The following RARB variants were observed in gnomAD, a reference collection of about 807,000 sequenced individuals.
RARB encodes HBV-activated protein.
Under a neutral mutation model 51.9 loss-of-function variants are expected in RARB, and 17 were observed. The observed-to-expected ratio is 0.33, with a 90% CI of 0.22 to 0.49. RARB has a LOEUF of 0.49. RARB is among the 20% of genes least tolerant of loss of function. The pLI is 0.99. For missense variants in RARB, 369 were observed against 550.8 expected, an observed-to-expected ratio of 0.67 and a Z score of 3.30; for synonymous variants, 215 against 195.4, an observed-to-expected ratio of 1.10 and a Z score of -0.84.
intron 4 of RARB, 102 bp downstream of exon 4, chr3:25,570,020 A>T (rs921924988): frequency 1.1e-4 from 121 of 1,082,690 alleles, no homozygotes; most frequent in African/African-American, 9.0e-4. Context: ...ACACACACAC[A>T]CTTTGCACTG....
intron 5 of RARB, among the ~76,000 whole-genome samples, chr3:25,390,348 ACT>A (rs1403616458): frequency 1.3e-5 from 2 of 151,940 alleles, no homozygotes; most frequent in African/African-American, 4.8e-5. Flanking sequence ...CACAGAGAAG[ACT>A]CTATTTACGA....
At chr3:24,924,910 T>C (rs2125389382) in intron 2 of RARB, among the ~76,000 whole-genome samples, 1 of 152,258 alleles carries the variant, frequency 6.6e-6, no homozygotes, top group South Asian at 2.1e-4. Context: ...TTGCTTAAGA[T>C]GATGCCTGGC....
At position 25,297,242 on chromosome 3, in the gene RARB, G is replaced by A. The variant is rs144638260; in HGVS notation, c.178+122667G>A. 2.6e-5 allele frequency among the ~76,000 whole-genome samples: 4 copies of A among 152,138 alleles called. No individual in the cohort carries two copies. The East Asian group carries it at 7.7e-4, about 29-fold the overall frequency. On this transcript the variant is annotated intron_variant, in intron 5 of 11. Coordinates refer to the RARB transcript ENST00000383772. Reference sequence around the variant, plus strand: ...AACAAATAACTCAGGATAAAGTAAGGGAATTAAGGTCTAGATATTTTACCA... The same window carrying A: ...AACAAATAACTCAGGATAAAGTAAGAGAATTAAGGTCTAGATATTTTACCA...
At position 25,448,175 on chromosome 3, in the gene RARB, C is replaced by G. The variant is rs1297782732; in HGVS notation, c.158-13018C>G. Among the ~76,000 whole-genome samples the G allele has an allele frequency of 1.3e-5, 2 of 152,188 alleles. 1 individual carries two copies. The highest frequency in any genetic ancestry group is 3.9e-4 in the East Asian group (2 of 5,134). ...AGGAAGGCCGACTCCCGAGTTCATACTTCCAACCATATGCCTCAGACAACT... is the reference window on the plus strand; with the variant it reads ...AGGAAGGCCGACTCCCGAGTTCATAGTTCCAACCATATGCCTCAGACAACT... On this transcript the variant is annotated intron_variant, in intron 1 of 7. Coordinates refer to ENST00000330688, the MANE Select transcript of RARB (RefSeq NM_000965.5).
chr3:25,504,920 G>C (rs1697509708), intron 3 of RARB, among the ~76,000 whole-genome samples: 1 of 151,946 alleles, frequency 6.6e-6, no homozygotes, highest in Non-Finnish European at 1.5e-5. Flanking sequence ...ACCACGCCCG[G>C]CTAATTTTTG....
At chr3:25,445,678 A>G in intron 1 of RARB, among the ~76,000 whole-genome samples, 1 of 152,170 alleles carries the variant, frequency 6.6e-6, no homozygotes, top group East Asian at 1.9e-4. Flanking sequence ...AAAAAAAATA[A>G]TAAGGAATAT....
At chr3:24,855,342 A>G (rs1702617677) in intron 1 of RARB, among the ~76,000 whole-genome samples, 1 of 152,234 alleles carries the variant, frequency 6.6e-6, no homozygotes, top group Non-Finnish European at 1.5e-5. Context: ...GAGGGCAGTG[A>G]GTAGGCCACA....
chr3:25,218,276 C>T (rs1310519819), intron 5 of RARB, among the ~76,000 whole-genome samples: 1 of 152,056 alleles, frequency 6.6e-6, no homozygotes, highest in Non-Finnish European at 1.5e-5. Flanking sequence ...ATGTGAGAGT[C>T]GCCAGCCTTG....
chr3:25,026,366 T>C (rs577479158), intron 2 of RARB, among the ~76,000 whole-genome samples: 1 of 152,194 alleles, frequency 6.6e-6, no homozygotes, highest in African/African-American at 2.4e-5. Flanking sequence ...TTTCTCACAA[T>C]TTTGGGGGCT....
chr3:24,943,451 T>C (rs560253804), intron 2 of RARB, among the ~76,000 whole-genome samples: 46 of 152,272 alleles, frequency 3.0e-4, no homozygotes, highest in African/African-American at 1.0e-3. Flanking sequence ...AGATTCCAAA[T>C]CTCCAATGTT....
intron 2 of RARB, among the ~76,000 whole-genome samples, chr3:24,879,653 A>G (rs555627737): frequency 1.3e-5 from 2 of 152,134 alleles, no homozygotes; most frequent in South Asian, 4.2e-4. Context: ...ACAGAACCTG[A>G]TCTTTTAAAC....
chr3:25,147,609 C>G (rs1700215554), intron 4 of RARB, among the ~76,000 whole-genome samples: 1 of 152,250 alleles, frequency 6.6e-6, no homozygotes, highest in East Asian at 1.9e-4. Context: ...GAAGATTTTC[C>G]ATTTCTTGAA....
chr3:25,096,777 G>A (rs1405873594), intron 3 of RARB, among the ~76,000 whole-genome samples: 5 of 152,092 alleles, frequency 3.3e-5, no homozygotes, highest in Non-Finnish European at 5.9e-5. Context: ...TCTGTCAGTT[G>A]AGGCTCCTGG....
At chr3:24,930,208 C>T (rs1281866166) in intron 2 of RARB, among the ~76,000 whole-genome samples, 4 of 151,992 alleles carry the variant, frequency 2.6e-5, no homozygotes, top group Non-Finnish European at 4.4e-5. Flanking sequence ...AATACAACAG[C>T]TGTCTGATTT....
intron 5 of RARB, among the ~76,000 whole-genome samples, chr3:25,247,460 A>G (rs322710): frequency 0.53 from 81,034 of 152,110 alleles, 22,743 homozygotes; most frequent in African/African-American, 0.71. Flanking sequence ...GTAGGCACAC[A>G]AGGGAATCTC....
chr3:24,934,965 G>A (rs375473594), intron 2 of RARB, among the ~76,000 whole-genome samples: 9 of 152,216 alleles, frequency 5.9e-5, no homozygotes, highest in African/African-American at 2.2e-4. Context: ...ATTCCAAAAA[G>A]CACCCTAAAG....
At chr3:24,991,087 T>G (rs1696899656) in intron 2 of RARB, among the ~76,000 whole-genome samples, 1 of 152,234 alleles carries the variant, frequency 6.6e-6, no homozygotes, top group Non-Finnish European at 1.5e-5. Context: ...CTTGAATTAT[T>G]TATTCCAATA....
At chr3:25,143,128 G>C (rs1003077121) in intron 4 of RARB, among the ~76,000 whole-genome samples, 15 of 152,126 alleles carry the variant, frequency 9.9e-5, no homozygotes, top group African/African-American at 3.4e-4. Context: ...TGAATTATTT[G>C]CTCTTTTTGC....
At chr3:25,455,766 A>G (rs1477864366) in intron 1 of RARB, among the ~76,000 whole-genome samples, 1 of 152,172 alleles carries the variant, frequency 6.6e-6, no homozygotes, top group African/African-American at 2.4e-5. Flanking sequence ...TCCCTGACGA[A>G]GCAGGGAAGC....
Sources: allele counts gnomAD v4.1 joint callset (sites outside exome capture counted in the v4.1 genomes callset), GRCh38; gene constraint gnomAD v4.1.1; transcripts MANE v1.5; gene names NCBI Gene and HGNC (gene_info 2026-07-23, HGNC 2026-07-21).